SAMD8: variants seen among roughly 807,000 people sequenced by gnomAD.
SAMD8 encodes sphingomyelin synthase-related protein 1.
In SAMD8, 20 loss-of-function variants were observed where a neutral mutation model predicts 42.0. The ratio of observed to expected loss-of-function variants is 0.48; its 90% CI spans 0.34 to 0.69. The LOEUF is 0.69. SAMD8 is among the 30% of genes least tolerant of loss of function. The pLI is 0.01. For missense variants in SAMD8, 328 were observed against 511.6 expected (o/e 0.64, Z 3.46); for synonymous variants, 162 against 173.0 (o/e 0.94, Z 0.50).
intron 1 of SAMD8, among the ~76,000 whole-genome samples, chr10:75,100,898 G>A (rs555690597): frequency 5.9e-5 from 9 of 152,332 alleles, no homozygotes; most frequent in East Asian, 5.8e-4. Context: ...CCAAGACATC[G>A]GGCAGAGGCA....
At chr10:75,132,849 C>G (rs1401663715) in intron 1 of SAMD8, among the ~76,000 whole-genome samples, 2 of 151,836 alleles carry the variant, frequency 1.3e-5, no homozygotes, top group African/African-American at 4.8e-5. Flanking sequence ...ACTAATTGGG[C>G]TTGGTGGTAC....
intron 1 of SAMD8, among the ~76,000 whole-genome samples, chr10:75,141,353 CAAA>C (rs1183521701): frequency 1.5e-4 from 13 of 88,104 alleles, no homozygotes; most frequent in Admixed American, 2.4e-4. Flanking sequence ...CACCCTGTCT[CAAA>C]AAAAAAAAAA....
At chr10:75,143,617 A>G (rs1840069433) in intron 1 of SAMD8, among the ~76,000 whole-genome samples, 1 of 151,938 alleles carries the variant, frequency 6.6e-6, no homozygotes, top group South Asian at 2.1e-4. Flanking sequence ...GCTTGAGCCC[A>G]GTAAGAAATC....
intron 1 of SAMD8, chr10:75,103,814 C>A: frequency 1.8e-6 from 2 of 1,118,440 alleles, no homozygotes; most frequent in South Asian, 3.0e-5. Flanking sequence ...CTCTCTCCTC[C>A]CCTCCCCACT....
intron 1 of SAMD8, among the ~76,000 whole-genome samples, chr10:75,146,040 C>G (rs2134470537): frequency 6.6e-6 from 1 of 152,234 alleles, no homozygotes; most frequent in East Asian, 1.9e-4. Context: ...CTCTGGAGTT[C>G]TTGTCTGTGT....
At chr10:75,127,691 C>T (rs1849176607) in intron 1 of SAMD8, among the ~76,000 whole-genome samples, 1 of 152,178 alleles carries the variant, frequency 6.6e-6, no homozygotes, top group South Asian at 2.1e-4. Context: ...AGCTGTACAT[C>T]CTGTCTGCTT....
At chr10:75,114,005 T>A (rs1848824764) in intron 1 of SAMD8, among the ~76,000 whole-genome samples, 1 of 152,220 alleles carries the variant, frequency 6.6e-6, no homozygotes. Flanking sequence ...TTAATTTTTG[T>A]TTCCCTTTGT....
chr10:75,130,147 T>C (rs1849242061), intron 1 of SAMD8, among the ~76,000 whole-genome samples: 1 of 152,210 alleles, frequency 6.6e-6, no homozygotes, highest in East Asian at 1.9e-4. Context: ...AATATCATAA[T>C]GTCTTTATAT....
In SAMD8 at chr10:75,168,841, C is replaced by A. The variant is rs184916439; in HGVS notation, c.792+183C>A. Among the ~76,000 whole-genome samples the A allele has an allele frequency of 1.1e-3, 175 of 152,306 alleles. 1 individual carries two copies. Among genetic ancestry groups the A allele is most frequent in the Admixed American group, 7.2e-3 (110 of 15,296 alleles). On this transcript the variant is annotated intron_variant, in intron 4 of 5. Coordinates refer to ENST00000542569, the MANE Select transcript of SAMD8 (RefSeq NM_001174156.2). ...GCCAGATTCTACCTCTCTCTTATTTCTGTTGAAACTCGTTCTATGCTATGG... is the reference window on the plus strand; with the variant it reads ...GCCAGATTCTACCTCTCTCTTATTTATGTTGAAACTCGTTCTATGCTATGG...
chr10:75,177,340 G>A lies in SAMD8; in HGVS notation c.*648G>A, dbSNP rs144511989. The A allele has an allele frequency of 9.2e-5, 14 of 152,302 alleles. No individual in the cohort carries two copies. The East Asian group carries it at 2.5e-3, about 27-fold the overall frequency. The allele number at this position is 152,302 out of a possible 1,614,324, so 9.4% of individuals were successfully genotyped here. A position where few individuals can be genotyped will look rare whatever the true frequency, so the allele number is the denominator to read the frequency against. Reference sequence around the variant, plus strand: ...GTCTCCTCATTAATGCAAATGTAGGGCTGGCATATTTCACCAAAGATGCAA... The same window carrying A: ...GTCTCCTCATTAATGCAAATGTAGGACTGGCATATTTCACCAAAGATGCAA... On this transcript the variant is annotated 3_prime_UTR_variant, in exon 6 of 6. Transcript: ENST00000542569.
intron 1 of SAMD8, among the ~76,000 whole-genome samples, chr10:75,131,203 A>G (rs1442716615): frequency 6.6e-6 from 1 of 152,136 alleles, no homozygotes; most frequent in Admixed American, 6.6e-5. Context: ...TCCTCATTTT[A>G]TAGTATTATT....
intron 2 of SAMD8, among the ~76,000 whole-genome samples, chr10:75,152,545 AAAAG>A (rs1267196740): frequency 1.9e-4 from 29 of 150,508 alleles, no homozygotes; most frequent in African/African-American, 6.8e-4. Context: ...AGAAAAAAAA[AAAAG>A]AAAAATAAGA....
chr10:75,129,573 C>A (rs539795399), intron 1 of SAMD8, among the ~76,000 whole-genome samples: 3 of 152,244 alleles, frequency 2.0e-5, no homozygotes, highest in Admixed American at 2.0e-4. Context: ...TAGCTAGTTT[C>A]ATTTGGCATC....
chr10:75,165,430 G>A (rs1840651030), intron 3 of SAMD8, among the ~76,000 whole-genome samples: 1 of 152,006 alleles, frequency 6.6e-6, no homozygotes, highest in African/African-American at 2.4e-5. Flanking sequence ...CAGCACTTTG[G>A]GAGGGCAAGG....
intron 1 of SAMD8, among the ~76,000 whole-genome samples, chr10:75,117,870 C>T (rs1246372671): frequency 1.3e-5 from 2 of 152,170 alleles, no homozygotes; most frequent in South Asian, 4.1e-4. Context: ...AAATTTATCA[C>T]CAAAGTCCTA....
chr10:75,173,541 C>G lies in SAMD8; in HGVS notation c.793-2525C>G, dbSNP rs910099843. ...CCTTTTGACTGGCATCACTAGTTTC[C>G]TATCCTTGGTTGAGACATTTTCCTA... On this transcript the variant is annotated intron_variant, in intron 4 of 5. Transcript: ENST00000542569. 2.6e-5 allele frequency among the ~76,000 whole-genome samples: 4 copies of G among 152,298 alleles called. No homozygotes were observed. The East Asian group carries it at 7.7e-4, about 29-fold the overall frequency.
chr10:75,144,654 C>A (rs1342967926), intron 1 of SAMD8, among the ~76,000 whole-genome samples: 1 of 151,550 alleles, frequency 6.6e-6, no homozygotes, highest in East Asian at 1.9e-4. Flanking sequence ...TGAAAAGTTT[C>A]TTTTCTTTTC....
intron 1 of SAMD8, among the ~76,000 whole-genome samples, chr10:75,129,824 C>T (rs1849234381): frequency 1.3e-5 from 2 of 152,094 alleles, no homozygotes; most frequent in Non-Finnish European, 1.5e-5. Context: ...AAATAAACAA[C>T]TAGGTAAATC....
At chr10:75,160,863 ATCT>A (rs1191802576) in intron 2 of SAMD8, among the ~76,000 whole-genome samples, 1 of 152,094 alleles carries the variant, frequency 6.6e-6, no homozygotes, top group Non-Finnish European at 1.5e-5. Flanking sequence ...TTGGTTAAAA[ATCT>A]TCTTAAGCCT....
Sources: allele counts gnomAD v4.1 joint callset (sites outside exome capture counted in the v4.1 genomes callset), GRCh38; gene constraint gnomAD v4.1.1; transcripts MANE v1.5; gene names NCBI Gene and HGNC (gene_info 2026-07-23, HGNC 2026-07-21).